CARM1: variants seen among roughly 807,000 people sequenced by gnomAD.
CARM1 encodes histone-arginine methyltransferase CARM1.
Under a neutral mutation model 72.7 loss-of-function variants are expected in CARM1, and 14 were observed. The observed-to-expected ratio is 0.19, with a 90% CI of 0.13 to 0.30. CARM1 has a LOEUF of 0.30. Ranked by LOEUF, CARM1 falls within the 10% of genes least tolerant of loss-of-function variation. CARM1 has a pLI of 1.00. For missense variants in CARM1, 432 were observed against 833.7 expected (o/e 0.52, Z 5.93); for synonymous variants, 333 against 345.5 (o/e 0.96, Z 0.40).
At chr19:10,872,569 C>T (rs1253581162) in intron 1 of CARM1, among the ~76,000 whole-genome samples, 1 of 152,068 alleles carries the variant, frequency 6.6e-6, no homozygotes, top group African/African-American at 2.4e-5. Flanking sequence ...CGGGACGGGC[C>T]CCTTCCTGAT....
chr19:10,872,000 G>T lies in CARM1; in HGVS notation c.220+78G>T. On this transcript the variant is annotated intron_variant, in intron 1 of 15. Coordinates refer to ENST00000327064, the MANE Select transcript of CARM1 (RefSeq NM_199141.2). The surrounding 1 kb of genome is among the most constrained non-coding windows in gnomAD (Gnocchi z 5.6). Reference sequence around the variant, plus strand: ...GCCCGGGGCGGGGGCCGGCGGGGAGGGGCCCTGAGCGCGGGGGCCTGGCGT... The same window carrying T: ...GCCCGGGGCGGGGGCCGGCGGGGAGTGGCCCTGAGCGCGGGGGCCTGGCGT... The T allele has an allele frequency of 8.9e-7, 1 of 1,123,788 alleles. No individual in the cohort carries two copies. Among genetic ancestry groups the T allele is most frequent in the South Asian group, 4.4e-5 (1 of 22,848 alleles). The allele number at this position is 1,123,788 out of a possible 1,614,324, so 69.6% of individuals were successfully genotyped here.
At chr19:10,914,097 C>T (rs1471726205) in intron 6 of CARM1, 43 bp downstream of exon 6, 2 of 1,546,794 alleles carry the variant, frequency 1.3e-6, no homozygotes, top group South Asian at 1.2e-5. Context: ...TCGGTGGAGG[C>T]CCTGGCTGCC....
At position 10,912,966 on chromosome 19, in the gene CARM1, G is replaced by T. The variant is rs1039236891; in HGVS notation, c.669+672G>T. ...TAGCCCTGGAATCGCTGGGTTGGGG[G>T]TGCATCCAGCTTTAGCTTTGGTGGC... On this transcript the variant is annotated intron_variant, in intron 5 of 15. Coordinates refer to ENST00000327064, the MANE Select transcript of CARM1 (RefSeq NM_199141.2). The surrounding 1 kb of genome is among the most constrained non-coding windows in gnomAD (Gnocchi z 4.5). Among the ~76,000 whole-genome samples, 1 of 152,162 alleles carries T rather than the reference G, an allele frequency of 6.6e-6. No homozygotes were observed.
In CARM1 at chr19:10,915,227, C is replaced by A. The variant is rs2145237957; in HGVS notation, c.847+1173C>A. ...GTGAGTATGGGAAGCAAGGCTGCTC[C>A]AGGGGCTGTGGGCCCCACTCTCCTC... is the stretch of plus-strand genomic sequence containing the variant. On this transcript the variant is annotated intron_variant, in intron 6 of 15. Coordinates refer to ENST00000327064, the MANE Select transcript of CARM1 (RefSeq NM_199141.2). This position sits in a 1 kb window ranked among gnomAD's most constrained non-coding sequence, Gnocchi z 4.6. Among the ~76,000 whole-genome samples the A allele has an allele frequency of 6.6e-6, 1 of 152,274 alleles. No individual in the cohort carries two copies. Among genetic ancestry groups the A allele is most frequent in the East Asian group, 1.9e-4 (1 of 5,172 alleles).
intron 5 of CARM1, among the ~76,000 whole-genome samples, chr19:10,913,415 G>C (rs2074169395): frequency 6.6e-6 from 1 of 151,912 alleles, no homozygotes; most frequent in Admixed American, 6.6e-5. Context: ...GTGGGTGCCT[G>C]TAGTCCCAGC....
At chr19:10,914,755 C>G (rs953190179) in intron 6 of CARM1, among the ~76,000 whole-genome samples, 1 of 152,158 alleles carries the variant, frequency 6.6e-6, no homozygotes, top group Non-Finnish European at 1.5e-5. Context: ...GGGGTTTCAC[C>G]GTGTTGGTCA....
chr19:10,891,532 G>T (rs557319587), intron 1 of CARM1, among the ~76,000 whole-genome samples: 3 of 152,154 alleles, frequency 2.0e-5, no homozygotes, highest in Non-Finnish European at 4.4e-5. Context: ...AGGGCTGTCC[G>T]CCAGCCTCCA....
At chr19:10,901,960 T>C (rs2074069532) in intron 1 of CARM1, among the ~76,000 whole-genome samples, 1 of 151,414 alleles carries the variant, frequency 6.6e-6, no homozygotes, top group African/African-American at 2.4e-5. Flanking sequence ...AGAAAATATA[T>C]AGGCCGGGCA....
rs2074226180 is a variant in CARM1 at position 10,919,862 on chromosome 19, C to T, written c.1107-15C>T. On this transcript the variant is annotated splice_polypyrimidine_tract_variant and intron_variant, in intron 9 of 15. Transcript: ENST00000327064. The stretch of plus-strand genomic sequence containing the variant: ...TGTCTGGCTTCCCCAGCAGCCACTG[C>T]CCTTTGCCTTCCAGGATAGAAATCC... 1 of 1,604,620 alleles carries T rather than the reference C, an allele frequency of 6.2e-7. No individual in the cohort carries two copies. Among genetic ancestry groups the T allele is most frequent in the Non-Finnish European group, 8.5e-7 (1 of 1,171,438 alleles).
At chr19:10,904,216 A>T (rs541746720) in intron 1 of CARM1, among the ~76,000 whole-genome samples, 1 of 152,314 alleles carries the variant, frequency 6.6e-6, no homozygotes, top group Non-Finnish European at 1.5e-5. Context: ...TCCCTTGAAG[A>T]TGAGACTAGG....
intron 1 of CARM1, among the ~76,000 whole-genome samples, chr19:10,877,380 T>G (rs1226436564): frequency 6.6e-6 from 1 of 152,148 alleles, no homozygotes; most frequent in African/African-American, 2.4e-5. Flanking sequence ...TGATATAAAT[T>G]AGGCCTATGG....
At chr19:10,880,939 G>T (rs1396140519) in intron 1 of CARM1, among the ~76,000 whole-genome samples, 1 of 147,954 alleles carries the variant, frequency 6.8e-6, no homozygotes, top group African/African-American at 2.7e-5. Context: ...GAGGCAGCAG[G>T]GCGGTTTGAG....
At chr19:10,921,540 TTCTC>T in intron 15 of CARM1, 71 bp from the exon 16 acceptor site, 5 of 1,567,056 alleles carry the variant, frequency 3.2e-6, no homozygotes, top group South Asian at 2.4e-5. Context: ...TGCCTGCCCT[TTCTC>T]TCTCTCTGTG....
chr19:10,921,579 C>G, intron 15 of CARM1, 36 bp from the exon 16 acceptor site: 1 of 1,591,482 alleles, frequency 6.3e-7, no homozygotes, highest in South Asian at 1.1e-5. Context: ...CTGGGCGGGC[C>G]AGGGCAGCCC....
intron 1 of CARM1, among the ~76,000 whole-genome samples, chr19:10,873,392 G>C (rs1228488861): frequency 2.2e-4 from 34 of 151,758 alleles, no homozygotes; most frequent in Non-Finnish European, 1.0e-4. Context: ...TCAGGAGTTC[G>C]AGACCAGCCT....
chr19:10,875,364 G>A (rs1298247058), intron 1 of CARM1, among the ~76,000 whole-genome samples: 7 of 151,378 alleles, frequency 4.6e-5, no homozygotes, highest in African/African-American at 9.7e-5. Context: ...GAGTCTCGCC[G>A]TGTTATAGGC....
rs1467371324 is a variant in CARM1 at position 10,908,024 on chromosome 19, G to C, written c.347-15G>C. 6.3e-7 allele frequency: 1 copy of C among 1,592,560 alleles called. No individual in the cohort carries two copies. Among genetic ancestry groups the C allele is most frequent in the South Asian group, 1.1e-5 (1 of 90,652 alleles). On this transcript the variant is annotated splice_polypyrimidine_tract_variant and intron_variant, in intron 2 of 15. Coordinates refer to ENST00000327064, the MANE Select transcript of CARM1 (RefSeq NM_199141.2). The stretch of plus-strand genomic sequence containing the variant: ...TTGCTGACCGCCCCCCGGTGACTTG[G>C]CTTCCCTGTTCCAGATTTCTGTTCC...
At chr19:10,897,086 C>T (rs981189586) in intron 1 of CARM1, among the ~76,000 whole-genome samples, 3 of 152,208 alleles carry the variant, frequency 2.0e-5, no homozygotes, top group African/African-American at 7.2e-5. Context: ...ACTGTCTGGT[C>T]CTTTACACAG....
Position 10,913,964 on chromosome 19 carries a change from A to G in CARM1, c.757A>G (p.Ile253Val), listed in dbSNP as rs984768015. ...GGTGTCACTCCCCGAGCAGGTGGAC[A>G]TCATCATCTCGGAGCCCATGGGCTA... ...EEVSLPEQVD[I>V]IISEPMGYML... The change falls in exon 6 of 16, where the codon ATC (isoleucine) becomes GTC (valine). Residue 253 changes from isoleucine (I) to valine (V), a missense_variant. By Grantham distance (29) the Ile-to-Val change is conservative (BLOSUM62 3). Around this residue, in one of 3 missense-constraint regions of CARM1, gnomAD observed 152 missense variants for 452.8 expected, o/e 0.34. Coordinates refer to ENST00000327064, the MANE Select transcript of CARM1 (RefSeq NM_199141.2). The G allele has an allele frequency of 6.2e-7, 1 of 1,613,814 alleles. No homozygotes were observed. The highest frequency in any genetic ancestry group is 8.5e-7 in the Non-Finnish European group (1 of 1,179,972).
Sources: gnomAD v4.1 joint callset for allele counts (sites outside exome capture counted in the v4.1 genomes callset) on GRCh38, gnomAD v4.1.1 for gene constraint, gnomAD v4.1.1 regional missense constraint, Gnocchi (gnomAD v3.1) non-coding constraint, MANE v1.5 for transcripts, NCBI Gene and HGNC (gene_info 2026-07-23, HGNC 2026-07-21) for gene names.